DLG2: variants seen among roughly 807,000 people sequenced by gnomAD.
The protein encoded by DLG2 is disks large homolog 2.
In DLG2, 45 loss-of-function variants were observed where a neutral mutation model predicts 132.5. The observed-to-expected ratio is 0.34, with a 90% CI of 0.27 to 0.44. DLG2 has a LOEUF of 0.44. DLG2 is among the 20% of genes least tolerant of loss of function. DLG2 has a pLI of 1.00. For synonymous variants in DLG2, 424 were observed against 419.6 expected, an observed-to-expected ratio of 1.01 and a Z score of -0.13; for missense variants, 1,045 against 1,196.9, an observed-to-expected ratio of 0.87 and a Z score of 1.87.
At chr11:85,007,496 TA>T (rs547197336) in intron 6 of DLG2, among the ~76,000 whole-genome samples, 2 of 147,668 alleles carry the variant, frequency 1.4e-5, no homozygotes, top group Admixed American at 6.8e-5. Context: ...CCATCTCTAC[TA>T]AAAAAAAACA....
At chr11:85,537,609 T>C (rs565156402) in intron 3 of DLG2, among the ~76,000 whole-genome samples, 1 of 149,988 alleles carries the variant, frequency 6.7e-6, no homozygotes, top group East Asian at 1.9e-4. Flanking sequence ...ACCACGAAGG[T>C]CTGCAGCTTC....
chr11:85,563,353 A>G (rs1439492476), intron 3 of DLG2, among the ~76,000 whole-genome samples: 1 of 151,598 alleles, frequency 6.6e-6, no homozygotes, highest in South Asian at 2.1e-4. Context: ...TTGCACAGAA[A>G]TATTTATAGC....
Position 84,390,627 on chromosome 11 carries a change from G to C in DLG2, c.520-139336C>G, listed in dbSNP as rs79242454. 3.1e-3 allele frequency among the ~76,000 whole-genome samples: 466 copies of C among 152,232 alleles called. 22 individuals carry two copies. The East Asian group carries it at 0.069, about 23-fold the overall frequency. ...TGGAATGTGAAGCCTGGGCCCAAAG[G>C]GGGAGCACTTGGATAAATTATAGAG... is the stretch of plus-strand genomic sequence containing the variant. On this transcript the variant is annotated intron_variant, in intron 7 of 27. Transcript: ENST00000376104.
chr11:85,097,268 C>T (rs1375413797), intron 6 of DLG2, among the ~76,000 whole-genome samples: 2 of 152,088 alleles, frequency 1.3e-5, no homozygotes, highest in Non-Finnish European at 2.9e-5. Flanking sequence ...CACCCGGGCT[C>T]ACCAATCAGA....
chr11:83,557,523 T>C (rs971359267), intron 19 of DLG2, among the ~76,000 whole-genome samples: 4 of 152,240 alleles, frequency 2.6e-5, no homozygotes, highest in African/African-American at 4.8e-5. Flanking sequence ...AAAGAATTAT[T>C]AATCCTCTAG....
At chr11:85,150,916 C>T (rs925562286) in intron 5 of DLG2, among the ~76,000 whole-genome samples, 5 of 152,034 alleles carry the variant, frequency 3.3e-5, no homozygotes, top group South Asian at 2.1e-4. Flanking sequence ...CTGGATCGTA[C>T]GGTATTTCTA....
At chr11:84,315,200 G>T (rs1318230075) in intron 7 of DLG2, among the ~76,000 whole-genome samples, 1 of 152,066 alleles carries the variant, frequency 6.6e-6, no homozygotes. Flanking sequence ...GTAAGTTTCA[G>T]ACAAGTAGGA....
intron 6 of DLG2, among the ~76,000 whole-genome samples, chr11:84,861,464 C>T (rs895478338): frequency 6.6e-6 from 1 of 151,770 alleles, no homozygotes; most frequent in Non-Finnish European, 1.5e-5. Context: ...GTAACTGTCA[C>T]CTAGAGGAGG....
chr11:83,792,474 C>T (rs956713105), intron 17 of DLG2, among the ~76,000 whole-genome samples: 19 of 152,094 alleles, frequency 1.2e-4, no homozygotes, highest in African/African-American at 3.6e-4. Flanking sequence ...GGCTCCCTTA[C>T]CTCCTATTAT....
intron 11 of DLG2, among the ~76,000 whole-genome samples, chr11:84,009,103 T>C (rs1220233943): frequency 6.6e-6 from 1 of 152,010 alleles, no homozygotes; most frequent in East Asian, 1.9e-4. Flanking sequence ...ATCAGCATCT[T>C]AGATTTTTGA....
At chr11:85,316,956 A>AG (rs2080724165) in intron 3 of DLG2, among the ~76,000 whole-genome samples, 1 of 151,470 alleles carries the variant, frequency 6.6e-6, no homozygotes, top group South Asian at 2.1e-4. Context: ...AAGCAATGTA[A>AG]AAAAGATACA....
chr11:84,923,335 C>G, intron 6 of DLG2: 1 of 1,258,864 alleles, frequency 7.9e-7, no homozygotes, highest in Non-Finnish European at 1.0e-6. Flanking sequence ...TAGCATTATG[C>G]CCAGTAATTT....
At chr11:84,001,364 T>C (rs1478947860) in intron 11 of DLG2, among the ~76,000 whole-genome samples, 1 of 150,456 alleles carries the variant, frequency 6.6e-6, no homozygotes, top group Non-Finnish European at 1.5e-5. Flanking sequence ...CAGAAAATTA[T>C]ATAATGATAA....
intron 11 of DLG2, among the ~76,000 whole-genome samples, chr11:83,990,997 A>C (rs193173058): frequency 1.4e-4 from 21 of 152,114 alleles, no homozygotes; most frequent in Non-Finnish European, 2.6e-4. Flanking sequence ...CAACAAAAAA[A>C]CCCTTCCCTG....
intron 11 of DLG2, among the ~76,000 whole-genome samples, chr11:84,036,952 G>A (rs1282393130): frequency 1.3e-5 from 2 of 152,136 alleles, no homozygotes; most frequent in African/African-American, 4.8e-5. Context: ...CAATGCTTCT[G>A]AAGTCTGATC....
chr11:84,018,878 G>T (rs2095301545), intron 11 of DLG2, among the ~76,000 whole-genome samples: 1 of 151,884 alleles, frequency 6.6e-6, no homozygotes, highest in Non-Finnish European at 1.5e-5. Flanking sequence ...CTAAAATAGT[G>T]TATCCAGGAA....
At chr11:84,361,106 A>C (rs2098647418) in intron 7 of DLG2, among the ~76,000 whole-genome samples, 1 of 151,918 alleles carries the variant, frequency 6.6e-6, no homozygotes, top group Admixed American at 6.6e-5. Flanking sequence ...CAAAATGAAC[A>C]GAGTGCCAGT....
At chr11:83,627,382 G>A (rs2153448403) in intron 19 of DLG2, among the ~76,000 whole-genome samples, 1 of 150,692 alleles carries the variant, frequency 6.6e-6, no homozygotes, top group Non-Finnish European at 1.5e-5. Flanking sequence ...CCCCACAACA[G>A]TCTCTGGTGT....
At chr11:84,812,922 A>C (rs2076718044) in intron 6 of DLG2, among the ~76,000 whole-genome samples, 1 of 152,082 alleles carries the variant, frequency 6.6e-6, no homozygotes, top group Middle Eastern at 3.2e-3. Flanking sequence ...GTGTGGCCAC[A>C]ATTCCTGCCT....
Sources: gnomAD v4.1 joint callset for allele counts (sites outside exome capture counted in the v4.1 genomes callset) on GRCh38, gnomAD v4.1.1 for gene constraint, MANE v1.5 for transcripts, NCBI Gene and HGNC (gene_info 2026-07-23, HGNC 2026-07-21) for gene names.